The following SOX5 variants were observed in gnomAD, a reference collection of about 807,000 sequenced individuals.
The protein encoded by SOX5 is SRY-box transcription factor 5.
A neutral mutation model predicts 92.0 loss-of-function variants in SOX5; 9 were observed. The ratio of observed to expected loss-of-function variants is 0.10; its 90% CI spans 0.06 to 0.17. The LOEUF (loss-of-function observed/expected upper bound fraction) is 0.17. Ranked by LOEUF, SOX5 falls within the 10% of genes least tolerant of loss-of-function variation. The probability of loss-of-function intolerance (pLI) is 1.00; values close to 1 mark genes in which losing one functional copy is unlikely to be tolerated. For synonymous variants in SOX5, 344 were observed against 336.3 expected (o/e 1.02, Z -0.25); for missense variants, 642 against 944.5 (o/e 0.68, Z 4.20).
chr12:23,639,292 A>C (rs1432077028), intron 8 of SOX5, among the ~76,000 whole-genome samples: 1 of 152,230 alleles, frequency 6.6e-6, no homozygotes, highest in Non-Finnish European at 1.5e-5. Flanking sequence ...AAAGTTGATT[A>C]GATTGTTGCT....
chr12:23,608,755 G>T (rs2075586492), intron 8 of SOX5, among the ~76,000 whole-genome samples: 1 of 152,150 alleles, frequency 6.6e-6, no homozygotes, highest in Non-Finnish European at 1.5e-5. Flanking sequence ...ATCACATGAT[G>T]TGTACAAAAC....
chr12:24,376,743 G>C (rs1404821564), intron 1 of SOX5, among the ~76,000 whole-genome samples: 2 of 98,734 alleles, frequency 2.0e-5, no homozygotes, highest in African/African-American at 4.0e-5. Flanking sequence ...GAGTCTCACT[G>C]TCACCCAGGC....
intron 4 of SOX5, among the ~76,000 whole-genome samples, chr12:23,980,353 T>C (rs904222390): frequency 3.9e-5 from 6 of 152,172 alleles, no homozygotes; most frequent in African/African-American, 1.4e-4. Flanking sequence ...TGAGTATTCA[T>C]TGCCATTGAT....
intron 1 of SOX5, among the ~76,000 whole-genome samples, chr12:24,387,668 A>T (rs1437573141): frequency 6.6e-6 from 1 of 152,138 alleles, no homozygotes; most frequent in Non-Finnish European, 1.5e-5. Context: ...CTTACAGGGA[A>T]TATTAAGGCC....
At chr12:23,562,012 A>G (rs1946296914) in intron 11 of SOX5, among the ~76,000 whole-genome samples, 1 of 152,160 alleles carries the variant, frequency 6.6e-6, no homozygotes, top group Admixed American at 6.5e-5. Context: ...TTTCTGTTCA[A>G]GCATCCTTTC....
At chr12:23,926,871 T>C (rs904332703) in intron 1 of SOX5, among the ~76,000 whole-genome samples, 2 of 151,720 alleles carry the variant, frequency 1.3e-5, no homozygotes, top group Admixed American at 1.3e-4. Context: ...TAGGAGAGAG[T>C]GAAATACCAA....
intron 4 of SOX5, among the ~76,000 whole-genome samples, chr12:24,079,227 T>C (rs920201088): frequency 6.7e-6 from 1 of 149,954 alleles, no homozygotes; most frequent in Non-Finnish European, 1.5e-5. Context: ...ATTTACGCAA[T>C]ATTTTCATTT....
At chr12:23,727,547 A>C (rs1016440086) in intron 6 of SOX5, among the ~76,000 whole-genome samples, 1 of 152,190 alleles carries the variant, frequency 6.6e-6, no homozygotes, top group Non-Finnish European at 1.5e-5. Context: ...GCAAGTGTCA[A>C]GGAACACTTT....
intron 1 of SOX5, among the ~76,000 whole-genome samples, chr12:23,897,696 A>C (rs1281110337): frequency 1.3e-5 from 2 of 152,152 alleles, no homozygotes; most frequent in African/African-American, 4.8e-5. Context: ...TCAACATAAA[A>C]TACTAAGTTT....
intron 3 of SOX5, among the ~76,000 whole-genome samples, chr12:23,811,735 A>T (rs1027292973): frequency 1.3e-5 from 2 of 152,124 alleles, no homozygotes; most frequent in Non-Finnish European, 2.9e-5. Context: ...GAATGGTGAG[A>T]AATACTGGAT....
chr12:23,605,683 G>T (rs2075159210), intron 8 of SOX5, among the ~76,000 whole-genome samples: 1 of 151,602 alleles, frequency 6.6e-6, no homozygotes. Context: ...CAACAAAATT[G>T]CTCATGATAA....
intron 4 of SOX5, among the ~76,000 whole-genome samples, chr12:24,102,612 A>G (rs950109992): frequency 6.6e-6 from 1 of 152,182 alleles, no homozygotes; most frequent in Non-Finnish European, 1.5e-5. Flanking sequence ...CACCATCAAG[A>G]AAACAAAATC....
chr12:23,726,117 CCGAGAGAGAGAGAGAGAGAGAGAG>C (rs1255409310), intron 6 of SOX5, among the ~76,000 whole-genome samples: 70 of 104,938 alleles, frequency 6.7e-4, no homozygotes, highest in African/African-American at 2.1e-3. Context: ...ACATACATCC[CCGAGAGAGAGAGAGAGAGAGAGAG>C]AGAGAGAGAG....
At chr12:24,479,481 C>G (rs1945739330) in intron 1 of SOX5, among the ~76,000 whole-genome samples, 1 of 152,150 alleles carries the variant, frequency 6.6e-6, no homozygotes, top group Non-Finnish European at 1.5e-5. Context: ...GGAAAATGAG[C>G]TAAAGAGAGG....
At chr12:24,396,164 G>A (rs920037860) in intron 1 of SOX5, among the ~76,000 whole-genome samples, 1 of 152,152 alleles carries the variant, frequency 6.6e-6, no homozygotes, top group Non-Finnish European at 1.5e-5. Context: ...AAGGTTACTG[G>A]TGCAATGCTC....
At chr12:24,306,739 C>A (rs1948614909) in intron 2 of SOX5, among the ~76,000 whole-genome samples, 1 of 152,130 alleles carries the variant, frequency 6.6e-6, no homozygotes, top group African/African-American at 2.4e-5. Flanking sequence ...CTTTTGGAGA[C>A]AAACCCCAAG....
intron 1 of SOX5, among the ~76,000 whole-genome samples, chr12:24,514,253 A>G (rs1949576706): frequency 2.0e-5 from 3 of 152,214 alleles, no homozygotes; most frequent in Admixed American, 2.0e-4. Context: ...CCACTTTTAC[A>G]TTTTGTGAAT....
intron 11 of SOX5, among the ~76,000 whole-genome samples, chr12:23,555,265 T>C (rs1249300089): frequency 2.0e-5 from 3 of 152,132 alleles, no homozygotes; most frequent in East Asian, 3.9e-4. Context: ...ATTGTGAGCA[T>C]ATCCTCGAAT....
chr12:24,242,451 C>CA (rs1394500105), intron 3 of SOX5, among the ~76,000 whole-genome samples: 1 of 152,000 alleles, frequency 6.6e-6, no homozygotes, highest in Non-Finnish European at 1.5e-5. Flanking sequence ...ACCACTTTTA[C>CA]AAAAAATGAG....
Sources: gnomAD v4.1 joint callset for allele counts (sites outside exome capture counted in the v4.1 genomes callset) on GRCh38, gnomAD v4.1.1 for gene constraint, MANE v1.5 for transcripts, NCBI Gene and HGNC (gene_info 2026-07-23, HGNC 2026-07-21) for gene names.